MPP4: variants seen among roughly 807,000 people sequenced by gnomAD.
MPP4 encodes MAGUK p55 subfamily member 4.
Under a neutral mutation model 98.3 loss-of-function variants are expected in MPP4, and 91 were observed. The observed-to-expected ratio is 0.93, with a 90% CI of 0.78 to 1.10. MPP4 has a LOEUF of 1.10. Ranked by LOEUF, MPP4 falls within the 50% of genes least tolerant of loss-of-function variation. MPP4 has a pLI of 0.00. For missense variants in MPP4, 744 were observed against 792.9 expected, an observed-to-expected ratio of 0.94 and a Z score of 0.74; for synonymous variants, 261 against 271.8, an observed-to-expected ratio of 0.96 and a Z score of 0.39.
rs1358793038 is a variant in MPP4, at chr2:201,656,309, C to T, written c.1189G>A (p.Ala397Thr). ...CAGCTGCCGGTGCAGCACACACTGG[C>T]ATGCAGCGGGCTGAGGTGAGACTTC... ...RRKSHLSPLH[A>T]SVCCTGSCYS... is the part of the protein sequence containing the mutation. The change falls in exon 17 of 22, where the codon GCC becomes ACC. Residue 397 changes from alanine to threonine, a missense_variant. Transcript: ENST00000409474. 6.4e-7 allele frequency: 1 copy of T among 1,567,316 alleles called. No homozygotes were observed. Among genetic ancestry groups the T allele is most frequent in the Non-Finnish European group, 8.7e-7 (1 of 1,155,420 alleles).
chr2:201,684,405 C>T (rs936087634), intron 7 of MPP4, among the ~76,000 whole-genome samples: 6 of 152,086 alleles, frequency 3.9e-5, no homozygotes, highest in Admixed American at 1.3e-4. Flanking sequence ...CTGACTCAAA[C>T]GGTGTAACTC....
intron 6 of MPP4, among the ~76,000 whole-genome samples, 178 bp downstream of exon 6, chr2:201,685,741 C>T (rs1480637897): frequency 1.3e-5 from 2 of 152,100 alleles, no homozygotes; most frequent in African/African-American, 4.8e-5. Context: ...TTAGAGAAAA[C>T]ACCGTGACAT....
At chr2:201,685,853 A>C (rs1688813658) in intron 6 of MPP4, 66 bp downstream of exon 6, 1 of 1,572,780 alleles carries the variant, frequency 6.4e-7, no homozygotes, top group African/African-American at 1.4e-5. Context: ...TAACCACTAG[A>C]TATAATTTGG....
In MPP4 at chr2:201,696,342, T is replaced by G. The variant is rs538372253; in HGVS notation, c.-101+2245A>C. 3.3e-5 allele frequency among the ~76,000 whole-genome samples: 5 copies of G among 152,342 alleles called. No individual in the cohort carries two copies. In the East Asian group the frequency reaches 9.6e-4, roughly 29 times the overall value. On this transcript the variant is annotated intron_variant, in intron 1 of 21. Transcript: ENST00000409474. ...ATCACAGCTGCATATCTGACTCATC[T>G]TCCTCCCTGGAGGGGAGCACTTCCA... is the stretch of plus-strand genomic sequence containing the variant.
At chr2:201,670,656 A>G (rs543075651) in intron 11 of MPP4, among the ~76,000 whole-genome samples, 1 of 152,352 alleles carries the variant, frequency 6.6e-6, no homozygotes, top group Non-Finnish European at 1.5e-5. Context: ...CCTTTGATAA[A>G]TGAAAGTTTG....
At chr2:201,692,027 A>T (rs1689044495) in intron 3 of MPP4, among the ~76,000 whole-genome samples, 1 of 152,170 alleles carries the variant, frequency 6.6e-6, no homozygotes, top group Non-Finnish European at 1.5e-5. Flanking sequence ...GGGCCTCTGG[A>T]AGAAAAAGAG....
At chr2:201,649,857 T>C (rs1313851789) in intron 19 of MPP4, among the ~76,000 whole-genome samples, 173 bp from the exon 20 acceptor site, 4 of 152,256 alleles carry the variant, frequency 2.6e-5, no homozygotes, top group Non-Finnish European at 5.9e-5. Context: ...AGAGTTTATG[T>C]ATTTCCTCAA....
At position 201,678,715 on chromosome 2, in the gene MPP4, G is replaced by A. The variant is rs574046694; in HGVS notation, c.929+2123C>T. ...CCTTGTGTATAGCTTTCCTTCCACT[G>A]GGCCTGGAGGTGGGGGGTGTGTCCT... is the stretch of plus-strand genomic sequence containing the variant. On this transcript the variant is annotated intron_variant, in intron 10 of 21. Transcript: ENST00000409474. Among the ~76,000 whole-genome samples, 2 of 152,066 alleles carry A rather than the reference G, an allele frequency of 1.3e-5. 1 individual carries two copies. The highest frequency in any genetic ancestry group is 1.3e-4 in the Admixed American group (2 of 15,266).
intron 9 of MPP4, 136 bp downstream of exon 9, chr2:201,681,360 G>A (rs902056256): frequency 4.0e-6 from 3 of 756,468 alleles, no homozygotes; most frequent in African/African-American, 1.7e-5. Context: ...CGGGCCATCA[G>A]TATTGAAAAA....
intron 1 of MPP4, among the ~76,000 whole-genome samples, chr2:201,697,084 A>G (rs1242918626): frequency 2.0e-5 from 3 of 152,172 alleles, no homozygotes; most frequent in Non-Finnish European, 2.9e-5. Flanking sequence ...GGTAAGAGCC[A>G]TCAGAGTTCA....
intron 13 of MPP4, chr2:201,665,112 C>T (rs991270122): frequency 2.8e-5 from 4 of 141,288 alleles, no homozygotes; most frequent in Non-Finnish European, 6.1e-5. Flanking sequence ...GTCGCCCAGG[C>T]TGGAGTGCAG....
intron 21 of MPP4, 104 bp downstream of exon 21, chr2:201,647,587 A>T: frequency 2.4e-6 from 3 of 1,262,226 alleles, no homozygotes; most frequent in Admixed American, 2.1e-5. Context: ...GTCAAAAAGG[A>T]GGAGGAGGAC....
At chr2:201,668,758 C>T (rs1478355799) in intron 12 of MPP4, among the ~76,000 whole-genome samples, 2 of 152,188 alleles carry the variant, frequency 1.3e-5, no homozygotes, top group Non-Finnish European at 2.9e-5. Flanking sequence ...CCGTACAGTT[C>T]CCAGCTCCTC....
At chr2:201,665,524 T>C (rs577892020) in intron 13 of MPP4, 3 of 152,154 alleles carry the variant, frequency 2.0e-5, no homozygotes, top group Admixed American at 2.0e-4. Context: ...TTTTGAACTA[T>C]GTGAATTGTT....
chr2:201,646,243 T>A (rs770147669), intron 21 of MPP4, among the ~76,000 whole-genome samples: 2 of 152,172 alleles, frequency 1.3e-5, no homozygotes, highest in Non-Finnish European at 2.9e-5. Context: ...AATTTAAACA[T>A]AAATTTCAAG....
In MPP4 at chr2:201,690,400, T is replaced by G. The variant is rs1000437095; in HGVS notation, c.202-121A>C. 1.2e-5 allele frequency: 7 copies of G among 577,372 alleles called. No homozygotes were observed. The African/African-American group carries it at 1.3e-4, about 11-fold the overall frequency. 35.8% of individuals were successfully genotyped at this position (577,372 alleles called of 1,614,324 possible). On this transcript the variant is annotated intron_variant, in intron 3 of 21. Transcript: ENST00000409474. ...CTGCACCAATGGCTGCACAGCACGG[T>G]GTGGTTGGTGTTTAGTAAGTTGTGT...
chr2:201,651,345 C>T, intron 18 of MPP4: 1 of 985,414 alleles, frequency 1.0e-6, no homozygotes, highest in Non-Finnish European at 1.2e-6. Context: ...CCTACAGTTA[C>T]ATCACATCTC....
intron 1 of MPP4, among the ~76,000 whole-genome samples, chr2:201,696,874 CA>C (rs2105954499): frequency 6.6e-6 from 1 of 152,316 alleles, no homozygotes; most frequent in South Asian, 2.1e-4. Flanking sequence ...ACAACTTATG[CA>C]AATTCTAAAA....
At chr2:201,692,707 C>G (rs1424389558) in intron 3 of MPP4, among the ~76,000 whole-genome samples, 4 of 152,118 alleles carry the variant, frequency 2.6e-5, no homozygotes, top group Admixed American at 6.5e-5. Context: ...ATTTAGGAAC[C>G]AGAGAGGGAG....
Sources: allele counts gnomAD v4.1 joint callset (sites outside exome capture counted in the v4.1 genomes callset), GRCh38; gene constraint gnomAD v4.1.1; transcripts MANE v1.5; gene names NCBI Gene and HGNC (gene_info 2026-07-23, HGNC 2026-07-21).